Variants in POU6F2 observed in about 807,000 individuals in gnomAD.
POU6F2 encodes the protein POU domain, class 6, transcription factor 2.
In POU6F2, 31 loss-of-function variants were observed where a neutral mutation model predicts 71.3. The observed-to-expected ratio is 0.43, with a 90% CI of 0.33 to 0.59. The LOEUF (loss-of-function observed/expected upper bound fraction) is 0.59. Among genes scored for constraint, POU6F2 ranks in the 20% least tolerant of loss-of-function variants. POU6F2 has a pLI of 0.04. For synonymous variants in POU6F2, 347 were observed against 355.7 expected (o/e 0.98, Z 0.27); for missense variants, 783 against 856.8 (o/e 0.91, Z 1.07).
chr7:39,429,217 T>TC (rs764237118), intron 6 of POU6F2, among the ~76,000 whole-genome samples: 11 of 151,870 alleles, frequency 7.2e-5, no homozygotes, highest in Non-Finnish European at 1.6e-4. Flanking sequence ...CAACTCCCCA[T>TC]CCCCCATGTT....
intron 8 of POU6F2, among the ~76,000 whole-genome samples, chr7:39,454,655 G>GATAT (rs70977474): frequency 4.7e-5 from 3 of 63,294 alleles, no homozygotes; most frequent in Admixed American, 1.9e-4. Context: ...GAAGACCAGG[G>GATAT]ATATATATAT....
chr7:39,104,548 C>T (rs890268726), intron 2 of POU6F2, among the ~76,000 whole-genome samples: 11 of 152,116 alleles, frequency 7.2e-5, no homozygotes, highest in Non-Finnish European at 1.3e-4. Context: ...CATGGAGAGA[C>T]AGGGGAGGGG....
intron 5 of POU6F2, among the ~76,000 whole-genome samples, chr7:39,384,261 A>T (rs1786889427): frequency 6.6e-6 from 1 of 152,198 alleles, no homozygotes. Context: ...ATTGGTTTGG[A>T]TCAAATGCTC....
chr7:39,304,699 T>A (rs1785017856), intron 4 of POU6F2, among the ~76,000 whole-genome samples: 1 of 152,094 alleles, frequency 6.6e-6, no homozygotes, highest in African/African-American at 2.4e-5. Context: ...AAGCTGAGAG[T>A]ACGCACACAC....
chr7:39,030,228 C>G (rs1183862102), intron 1 of POU6F2, among the ~76,000 whole-genome samples: 1 of 151,542 alleles, frequency 6.6e-6, no homozygotes, highest in African/African-American at 2.4e-5. Context: ...CATTCTATCC[C>G]TTTCTGTGTT....
chr7:39,199,563 T>C (rs1208092291), intron 2 of POU6F2, among the ~76,000 whole-genome samples: 3 of 152,170 alleles, frequency 2.0e-5, no homozygotes, highest in East Asian at 1.9e-4. Context: ...TGGTGACGGT[T>C]CTTCAGGGAC....
At chr7:39,068,508 A>ATATATATATATATATATATATATATATAT in intron 1 of POU6F2, among the ~76,000 whole-genome samples, 1 of 130,918 alleles carries the variant, frequency 7.6e-6, no homozygotes, top group African/African-American at 3.4e-5. Flanking sequence ...TATATATATA[A>ATATATATATATATATATATATATATATAT]TTTTCATAAA....
At chr7:39,208,931 C>G (rs996186779) in intron 4 of POU6F2, among the ~76,000 whole-genome samples, 1 of 151,964 alleles carries the variant, frequency 6.6e-6, no homozygotes, top group African/African-American at 2.4e-5. Context: ...CAAAATGCAG[C>G]CTTCCGTTTG....
chr7:39,207,481 C>T lies in POU6F2; in HGVS notation c.459C>T (p.Pro153=), dbSNP rs1038425846. 5 of 1,613,912 alleles carry T rather than the reference C, an allele frequency of 3.1e-6. No homozygotes were observed. In the African/African-American group the frequency reaches 6.7e-5, roughly 22 times the overall value. ...PPALNQPILI[P]FNMAGQLGGQ... is the part of the protein sequence containing the mutation. ...CCCTCAACCAGCCAATCCTCATTCC[C>T]TTCAACATGGCGGGACAGCTAGGAG... is the stretch of plus-strand genomic sequence containing the variant. Residue 153 remains proline (P), a synonymous_variant, in exon 4 of 10, where the codon CCC becomes CCT. Coordinates refer to ENST00000518318, the MANE Select transcript of POU6F2 (RefSeq NM_001370959.1).
rs145108749 is a variant in POU6F2 at position 39,427,349 on chromosome 7, T to G, written c.1114-5728T>G. 7.6e-3 allele frequency among the ~76,000 whole-genome samples: 1,152 copies of G among 152,292 alleles called. 13 individuals are homozygous for G. The highest frequency in any genetic ancestry group is 0.026 in the African/African-American group (1,072 of 41,560). ...AAAGCCTGGCCTTAAATCCAGCCAG[T>G]GGGGAATTTTTTTTTCCTTGGTACA... On this transcript the variant is annotated intron_variant, in intron 6 of 9. Coordinates refer to ENST00000518318, the MANE Select transcript of POU6F2 (RefSeq NM_001370959.1).
chr7:39,440,414 A>G (rs755682964), intron 7 of POU6F2, among the ~76,000 whole-genome samples: 5 of 151,938 alleles, frequency 3.3e-5, no homozygotes, highest in Non-Finnish European at 5.9e-5. Flanking sequence ...TCTTGTCTGC[A>G]TGCCTTATTT....
chr7:38,988,745 C>T lies in POU6F2; in HGVS notation c.105+10687C>T, dbSNP rs1474674954. ...TAGAAAGCTGAGGCTAAGGACGTGG[C>T]GCAAGGCCCTGCAAGACAGTAAGTG... On this transcript the variant is annotated intron_variant, in intron 1 of 9. Coordinates refer to ENST00000518318, the MANE Select transcript of POU6F2 (RefSeq NM_001370959.1). 3.3e-5 allele frequency among the ~76,000 whole-genome samples: 5 copies of T among 152,032 alleles called. No individual in the cohort carries two copies. The South Asian group carries it at 6.2e-4, about 19-fold the overall frequency.
intron 2 of POU6F2, among the ~76,000 whole-genome samples, chr7:39,162,113 C>A (rs1363738021): frequency 6.6e-6 from 1 of 152,038 alleles, no homozygotes; most frequent in Non-Finnish European, 1.5e-5. Context: ...GACATGTGGT[C>A]AGGGGCTGTG....
intron 2 of POU6F2, among the ~76,000 whole-genome samples, chr7:39,192,299 A>C (rs538399432): frequency 7.7e-4 from 118 of 152,314 alleles, no homozygotes; most frequent in Middle Eastern, 3.4e-3. Context: ...CTTTTGGAGT[A>C]TCTGTGTAGA....
intron 4 of POU6F2, among the ~76,000 whole-genome samples, chr7:39,245,134 C>A (rs1346143936): frequency 6.6e-6 from 1 of 152,136 alleles, no homozygotes; most frequent in Non-Finnish European, 1.5e-5. Flanking sequence ...AAAGCTAAAG[C>A]CTACTTTGGG....
At chr7:39,390,340 G>C (rs1787042002) in intron 5 of POU6F2, among the ~76,000 whole-genome samples, 1 of 152,204 alleles carries the variant, frequency 6.6e-6, no homozygotes, top group Non-Finnish European at 1.5e-5. Context: ...AGGCTGCAGT[G>C]AGCTGAGATA....
intron 1 of POU6F2, among the ~76,000 whole-genome samples, chr7:39,016,712 T>G (rs1382583642): frequency 6.6e-6 from 1 of 152,010 alleles, no homozygotes; most frequent in African/African-American, 2.4e-5. Context: ...AAATCATCAG[T>G]GAGTATATCA....
intron 2 of POU6F2, among the ~76,000 whole-genome samples, chr7:39,145,122 A>G (rs1186218139): frequency 6.6e-6 from 1 of 152,234 alleles, no homozygotes; most frequent in Non-Finnish European, 1.5e-5. Flanking sequence ...TCAAGAGAAA[A>G]TAAAAAAGTA....
chr7:39,156,601 T>C (rs1792874976), intron 2 of POU6F2, among the ~76,000 whole-genome samples: 2 of 152,356 alleles, frequency 1.3e-5, no homozygotes, highest in Middle Eastern at 3.4e-3. Context: ...AAACTAACTT[T>C]AATACATGGA....
Sources: gnomAD v4.1 joint callset for allele counts (sites outside exome capture counted in the v4.1 genomes callset) on GRCh38, gnomAD v4.1.1 for gene constraint, MANE v1.5 for transcripts, NCBI Gene and HGNC (gene_info 2026-07-23, HGNC 2026-07-21) for gene names.